The following GNB1L variants were observed in gnomAD, a reference collection of about 807,000 sequenced individuals.
The protein encoded by GNB1L is guanine nucleotide-binding protein subunit beta-like protein 1.
GNB1L carries 20 observed loss-of-function variants against 29.1 expected under a neutral mutation model. That is an observed-to-expected ratio of 0.69 (90% confidence interval 0.48 to 1.00). The LOEUF is 1.00. GNB1L is among the 50% of genes least tolerant of loss of function. GNB1L has a pLI of 0.00. For missense variants in GNB1L, 421 were observed against 464.9 expected (o/e 0.91, Z 0.87); for synonymous variants, 193 against 206.5 (o/e 0.93, Z 0.56).
Position 19,852,088 on chromosome 22 carries a change from CA to C in GNB1L, c.-21+2354del, listed in dbSNP as rs1194539053. 8 of 1,614,116 alleles carry C rather than the reference CA, an allele frequency of 5.0e-6. No individual in the cohort carries two copies. The Admixed American group carries it at 1.2e-4, about 24-fold the overall frequency. On this transcript the variant is annotated intron_variant, in intron 2 of 7. Coordinates refer to ENST00000329517, the MANE Select transcript of GNB1L (RefSeq NM_053004.3). The stretch of plus-strand genomic sequence containing the variant: ...TGCTCTTCTGCTCCATGGTCGTTCG[CA>C]CACACACGGTGTCCCCACAGCAGGG...
intron 6 of GNB1L, among the ~76,000 whole-genome samples, chr22:19,804,344 C>T (rs1254528714): frequency 1.3e-5 from 2 of 152,350 alleles, no homozygotes; most frequent in African/African-American, 4.8e-5. Flanking sequence ...AGGGACACAG[C>T]AGGTCAGGGG....
chr22:19,822,644 G>C (rs1412514346), intron 2 of GNB1L, among the ~76,000 whole-genome samples: 1 of 152,236 alleles, frequency 6.6e-6, no homozygotes, highest in Non-Finnish European at 1.5e-5. Context: ...CCCCGGCCCA[G>C]CCACCTGCAG....
At chr22:19,832,708 G>A (rs768393394) in intron 2 of GNB1L, among the ~76,000 whole-genome samples, 8 of 152,264 alleles carry the variant, frequency 5.3e-5, no homozygotes, top group Non-Finnish European at 5.9e-5. Context: ...TTGTCTTTCT[G>A]ATCAGGGGAA....
At chr22:19,802,378 C>T (rs1248550138) in intron 6 of GNB1L, among the ~76,000 whole-genome samples, 162 bp from the exon 7 acceptor site, 1 of 152,218 alleles carries the variant, frequency 6.6e-6, no homozygotes, top group Admixed American at 6.5e-5. Context: ...ACCGCCAGTG[C>T]CCTCCCACAC....
At chr22:19,825,437 T>A (rs149300792) in intron 2 of GNB1L, among the ~76,000 whole-genome samples, 1 of 150,818 alleles carries the variant, frequency 6.6e-6, no homozygotes, top group Non-Finnish European at 1.5e-5. Flanking sequence ...CTGGGCAACA[T>A]AGGGAGACCT....
At chr22:19,812,816 G>C (rs1937511560) in intron 4 of GNB1L, among the ~76,000 whole-genome samples, 1 of 152,238 alleles carries the variant, frequency 6.6e-6, no homozygotes, top group South Asian at 2.1e-4. Flanking sequence ...AAGGACTGCA[G>C]ACTGTGACAA....
rs1937185417 is a variant in GNB1L at position 19,785,567 on chromosome 22, G to A, written c.*3142C>T. On this transcript the variant is annotated 3_prime_UTR_variant, in exon 8 of 8. Transcript: ENST00000329517. The surrounding 1 kb of genome is among the most constrained non-coding windows in gnomAD (Gnocchi z 4.1). ...CAAGAGCATTATGGAGGAAGATGTG[G>A]AAGGGCTGCCTCTCCCAGTTGGTGG... The A allele has an allele frequency of 6.6e-6, 1 of 152,240 alleles. No individual in the cohort carries two copies. The highest frequency in any genetic ancestry group is 1.5e-5 in the Non-Finnish European group (1 of 68,052). 9.4% of individuals were successfully genotyped at this position (152,240 alleles called of 1,614,324 possible).
At chr22:19,807,216 C>T (rs767238573) in intron 5 of GNB1L, among the ~76,000 whole-genome samples, 2 of 152,202 alleles carry the variant, frequency 1.3e-5, no homozygotes, top group Admixed American at 6.5e-5. Flanking sequence ...CCCACCTGGA[C>T]GCCCCGGTGT....
Position 19,802,099 on chromosome 22 carries a change from T to G in GNB1L, c.634A>C (p.Met212Leu), listed in dbSNP as rs899063242. 2 of 1,613,626 alleles carry G rather than the reference T, an allele frequency of 1.2e-6. No individual in the cohort carries two copies. The highest frequency in any genetic ancestry group is 1.7e-5 in the Admixed American group (1 of 60,028). ...SRIACHEEPV[M>L]DLDFDSQKAR... ...TTCTGGGAGTCAAAGTCAAGGTCCA[T>G]GACGGGCTCCTCATGGCAGGCGATG... The change falls in exon 7 of 8, where the codon ATG becomes CTG. Residue 212 changes from methionine to leucine, a missense_variant. By Grantham distance (15) the Met-to-Leu change is conservative. Coordinates refer to ENST00000329517, the MANE Select transcript of GNB1L (RefSeq NM_053004.3).
chr22:19,839,028 C>A (rs1225346772), intron 2 of GNB1L, among the ~76,000 whole-genome samples: 1 of 152,166 alleles, frequency 6.6e-6, no homozygotes, highest in Non-Finnish European at 1.5e-5. Context: ...GTGGGTGAAT[C>A]TCCAAAGAAC....
At chr22:19,821,517 T>G in intron 2 of GNB1L, 142 bp from the exon 3 acceptor site, 1 of 796,604 alleles carries the variant, frequency 1.3e-6, no homozygotes, top group Admixed American at 2.6e-5. Flanking sequence ...GAGGTGCCAC[T>G]GCTCCCCAGA....
chr22:19,795,330 T>C (rs1377551523), intron 7 of GNB1L, among the ~76,000 whole-genome samples: 1 of 152,044 alleles, frequency 6.6e-6, no homozygotes, highest in African/African-American at 2.4e-5. Context: ...AAGAGCCTTC[T>C]CTGCGTAACT....
Position 19,787,679 on chromosome 22 carries a change from G to C in GNB1L, c.*1030C>G, listed in dbSNP as rs1318322403. Reference sequence around the variant, plus strand: ...AGGCCACCCCGGGCCTTCAGCTAGAGGGGCTCTTCCGGCAATCCGGGCAGA... The same window carrying C: ...AGGCCACCCCGGGCCTTCAGCTAGACGGGCTCTTCCGGCAATCCGGGCAGA... On this transcript the variant is annotated 3_prime_UTR_variant, in exon 8 of 8. Transcript: ENST00000329517. 6.6e-6 allele frequency: 1 copy of C among 152,326 alleles called. No individual in the cohort carries two copies. Among genetic ancestry groups the C allele is most frequent in the Non-Finnish European group, 1.5e-5 (1 of 68,102 alleles). The allele number at this position is 152,326 out of a possible 1,614,324, so 9.4% of individuals were successfully genotyped here. A position where few individuals can be genotyped will look rare whatever the true frequency, so the allele number is the denominator to read the frequency against.
chr22:19,807,779 G>A lies in GNB1L; in HGVS notation c.418-1022C>T, dbSNP rs187034342. 4.6e-5 allele frequency among the ~76,000 whole-genome samples: 7 copies of A among 152,314 alleles called. No homozygotes were observed. The East Asian group carries it at 1.4e-3, about 29-fold the overall frequency. The stretch of plus-strand genomic sequence containing the variant: ...CTCTATTCTCCTGAGCCAGGCAGAG[G>A]GATCGTGTCTTAGGGGCCTGTGCCT... On this transcript the variant is annotated intron_variant, in intron 5 of 7. Coordinates refer to ENST00000329517, the MANE Select transcript of GNB1L (RefSeq NM_053004.3).
chr22:19,797,857 C>T (rs1937324803), intron 7 of GNB1L, among the ~76,000 whole-genome samples: 1 of 152,240 alleles, frequency 6.6e-6, no homozygotes, highest in South Asian at 2.1e-4. Flanking sequence ...CATGGCCCCT[C>T]CCCTCCCACC....
intron 7 of GNB1L, chr22:19,792,298 C>G: frequency 1.3e-6 from 1 of 767,070 alleles, no homozygotes; most frequent in Non-Finnish European, 2.2e-6. Flanking sequence ...CCCAAGATGC[C>G]AAAAGGAAAG....
At chr22:19,797,712 C>T (rs958621465) in intron 7 of GNB1L, among the ~76,000 whole-genome samples, 5 of 152,178 alleles carry the variant, frequency 3.3e-5, no homozygotes, top group African/African-American at 1.2e-4. Flanking sequence ...GCCACCTCGC[C>T]GTCCTACCTC....
intron 2 of GNB1L, among the ~76,000 whole-genome samples, chr22:19,822,098 G>C (rs983076372): frequency 3.9e-5 from 6 of 151,962 alleles, no homozygotes; most frequent in African/African-American, 1.2e-4. Flanking sequence ...TGGGCCCCAG[G>C]CCTGCCCCGC....
At chr22:19,792,993 C>T (rs766385599) in intron 7 of GNB1L, 205 of 1,544,916 alleles carry the variant, frequency 1.3e-4, no homozygotes, top group Non-Finnish European at 1.7e-4. Context: ...CGATGAGATC[C>T]GCCGTCACTG....
Sources: gnomAD v4.1 joint callset for allele counts (sites outside exome capture counted in the v4.1 genomes callset) on GRCh38, gnomAD v4.1.1 for gene constraint, Gnocchi (gnomAD v3.1) non-coding constraint, MANE v1.5 for transcripts, NCBI Gene and HGNC (gene_info 2026-07-23, HGNC 2026-07-21) for gene names.